Variants in ABL2 observed in about 807,000 individuals in gnomAD.
ABL2 encodes the protein ABL proto-oncogene 2, non-receptor tyrosine kinase, also known as tyrosine-protein kinase ABL2.
A neutral mutation model predicts 107.7 loss-of-function variants in ABL2; 49 were observed. That is an observed-to-expected ratio of 0.45 (90% CI 0.36 to 0.58). ABL2 has a LOEUF of 0.58. Among genes scored for constraint, ABL2 ranks in the 20% least tolerant of loss-of-function variants. The probability of loss-of-function intolerance (pLI) is 0.00; values close to 1 mark genes in which losing one functional copy is unlikely to be tolerated. For synonymous variants in ABL2, 549 were observed against 548.6 expected (o/e 1.00, Z -0.01); for missense variants, 1,245 against 1,457.0 (o/e 0.85, Z 2.37).
intron 3 of ABL2, among the ~76,000 whole-genome samples, chr1:179,128,192 A>G (rs1655926683): frequency 6.6e-6 from 1 of 152,172 alleles, no homozygotes; most frequent in Non-Finnish European, 1.5e-5. Flanking sequence ...AGACACATGG[A>G]TATGAGATAA....
chr1:179,167,229 T>TA (rs1258770142), intron 1 of ABL2, among the ~76,000 whole-genome samples: 3 of 151,990 alleles, frequency 2.0e-5, no homozygotes, highest in Non-Finnish European at 4.4e-5. Context: ...TATTTGGCCA[T>TA]AAAAAAAGAA....
chr1:179,133,349 ATCC>A lies in ABL2; in HGVS notation c.180_182del (p.Glu60del). On this transcript the variant is annotated inframe_deletion, in exon 2 of 12. Coordinates refer to ENST00000502732, the MANE Select transcript of ABL2 (RefSeq NM_007314.4). ...CTCCAGTCTTGTCTCCCTCAAATCC[ATCC>A]TCCACACAGCTGGCAAAGTGATCTA... 1 of 1,613,986 alleles carries A rather than the reference ATCC, an allele frequency of 6.2e-7. No homozygotes were observed. The highest frequency in any genetic ancestry group is 8.5e-7 in the Non-Finnish European group (1 of 1,179,990).
intron 1 of ABL2, among the ~76,000 whole-genome samples, chr1:179,192,522 T>C (rs1202337468): frequency 6.6e-6 from 1 of 152,192 alleles, no homozygotes; most frequent in Non-Finnish European, 1.5e-5. Flanking sequence ...ATTTCCATTT[T>C]CCAAGTCATG....
At chr1:179,170,235 G>A (rs1371203839) in intron 1 of ABL2, among the ~76,000 whole-genome samples, 1 of 152,058 alleles carries the variant, frequency 6.6e-6, no homozygotes. Flanking sequence ...ATGATAATGA[G>A]ATTAATCCAT....
intron 1 of ABL2, among the ~76,000 whole-genome samples, chr1:179,223,976 A>AG (rs1663027400): frequency 6.6e-6 from 1 of 150,652 alleles, no homozygotes; most frequent in Non-Finnish European, 1.5e-5. Flanking sequence ...AAAAAAAAAA[A>AG]AAAATAGAAA....
intron 1 of ABL2, among the ~76,000 whole-genome samples, chr1:179,181,046 A>G (rs1039213292): frequency 6.6e-6 from 1 of 152,192 alleles, no homozygotes; most frequent in Non-Finnish European, 1.5e-5. Context: ...AAGAACACAC[A>G]TGGATTTGGA....
intron 3 of ABL2, among the ~76,000 whole-genome samples, chr1:179,130,882 T>C (rs928633331): frequency 6.6e-6 from 1 of 152,066 alleles, no homozygotes; most frequent in Non-Finnish European, 1.5e-5. Flanking sequence ...AGCTTATTCT[T>C]ACCTTTTGAA....
At chr1:179,149,886 T>C (rs1415698606) in intron 1 of ABL2, among the ~76,000 whole-genome samples, 1 of 152,178 alleles carries the variant, frequency 6.6e-6, no homozygotes, top group Non-Finnish European at 1.5e-5. Flanking sequence ...GAACACAACA[T>C]CCATTCTGCA....
chr1:179,202,734 A>C (rs12127868), intron 1 of ABL2, among the ~76,000 whole-genome samples: 14,396 of 152,262 alleles, frequency 0.095, 715 homozygotes, highest in African/African-American at 0.12. Flanking sequence ...AACAGAATGA[A>C]GAATACAGAC....
chr1:179,156,704 C>T (rs1013509470), intron 1 of ABL2, among the ~76,000 whole-genome samples: 7 of 151,910 alleles, frequency 4.6e-5, no homozygotes, highest in African/African-American at 7.3e-5. Context: ...GACGAAACCC[C>T]GTCTCTATTA....
chr1:179,223,473 C>T (rs146687406), intron 1 of ABL2, among the ~76,000 whole-genome samples: 1 of 151,100 alleles, frequency 6.6e-6, no homozygotes, highest in East Asian at 1.9e-4. Context: ...AGGCTGAAGA[C>T]CCTTACAGAG....
At chr1:179,212,116 G>C (rs1356091896) in intron 1 of ABL2, among the ~76,000 whole-genome samples, 2 of 152,194 alleles carry the variant, frequency 1.3e-5, no homozygotes, top group African/African-American at 4.8e-5. Flanking sequence ...GAACAGCCAA[G>C]TGAAGGGGAA....
chr1:179,136,709 A>AAAATAAATAAATAAATAAATCAATAAAT, intron 1 of ABL2, among the ~76,000 whole-genome samples: 2 of 140,690 alleles, frequency 1.4e-5, no homozygotes, highest in East Asian at 4.2e-4. Context: ...TGATCAATAA[A>AAAATAAATAAATAAATAAATCAATAAAT]AAATAAATAA....
rs189417418 is a variant in ABL2, at chr1:179,193,755, G to A, written c.157+35486C>T. 5.8e-3 allele frequency among the ~76,000 whole-genome samples: 852 copies of A among 146,850 alleles called. 11 individuals are homozygous for A. The highest frequency in any genetic ancestry group is 0.02 in the African/African-American group (801 of 39,724). The stretch of plus-strand genomic sequence containing the variant: ...TGTTTTTTTGGTTTTTTTTGGAGAC[G>A]GAGTCTCGCTCTGTCGCCCAGGCTG... On this transcript the variant is annotated intron_variant, in intron 1 of 11. Transcript: ENST00000502732.
chr1:179,141,216 G>T (rs188130029), intron 1 of ABL2, among the ~76,000 whole-genome samples: 1 of 152,040 alleles, frequency 6.6e-6, no homozygotes, highest in East Asian at 1.9e-4. Context: ...GTCTGAGCCT[G>T]GGAGGTTGAG....
At position 179,169,349 on chromosome 1, in the gene ABL2, C is replaced by T. The variant is rs1042734840; in HGVS notation, c.158-35975G>A. Reference sequence around the variant, plus strand: ...AGATCACAAGGTCAGGAGATCGAGACCATCCTGGCTAACACAGTGAAACCC... The same window carrying T: ...AGATCACAAGGTCAGGAGATCGAGATCATCCTGGCTAACACAGTGAAACCC... On this transcript the variant is annotated intron_variant, in intron 1 of 11. Coordinates refer to ENST00000502732, the MANE Select transcript of ABL2 (RefSeq NM_007314.4). Among the ~76,000 whole-genome samples, 3 of 152,110 alleles carry T rather than the reference C, an allele frequency of 2.0e-5. No individual in the cohort carries two copies. The South Asian group carries it at 6.2e-4, about 32-fold the overall frequency.
At chr1:179,113,440 T>A (rs1654297590) in intron 9 of ABL2, among the ~76,000 whole-genome samples, 1 of 152,254 alleles carries the variant, frequency 6.6e-6, no homozygotes, top group Non-Finnish European at 1.5e-5. Flanking sequence ...GAGTTCATTT[T>A]TGACAAAGTG....
chr1:179,215,782 T>C (rs1239230796), intron 1 of ABL2, among the ~76,000 whole-genome samples: 3 of 152,162 alleles, frequency 2.0e-5, no homozygotes, highest in African/African-American at 7.2e-5. Context: ...CAACCTTTCT[T>C]TCCTATAAGG....
At chr1:179,166,645 TG>T (rs924355509) in intron 1 of ABL2, among the ~76,000 whole-genome samples, 1 of 151,482 alleles carries the variant, frequency 6.6e-6, no homozygotes, top group African/African-American at 2.4e-5. Flanking sequence ...GGCATGATGG[TG>T]CCTGCCTGTA....
Sources: allele counts gnomAD v4.1 joint callset (sites outside exome capture counted in the v4.1 genomes callset), GRCh38; gene constraint gnomAD v4.1.1; transcripts MANE v1.5; gene names NCBI Gene and HGNC (gene_info 2026-07-23, HGNC 2026-07-21).